TENM2: variants seen among roughly 807,000 people sequenced by gnomAD.
The protein encoded by TENM2 is teneurin-2.
Under a neutral mutation model 245.2 loss-of-function variants are expected in TENM2, and 52 were observed. The ratio of observed to expected loss-of-function variants is 0.21; its 90% CI spans 0.17 to 0.27. TENM2 has a LOEUF of 0.27. Ranked by LOEUF, TENM2 falls within the 10% of genes least tolerant of loss-of-function variation. TENM2 has a pLI of 1.00. For missense variants in TENM2, 3,046 were observed against 3,666.8 expected (o/e 0.83, Z 4.37); for synonymous variants, 1,363 against 1,438.9 (o/e 0.95, Z 1.19).
intron 2 of TENM2, among the ~76,000 whole-genome samples, chr5:167,643,228 C>G (rs1779724798): frequency 6.6e-6 from 1 of 152,166 alleles, no homozygotes; most frequent in African/African-American, 2.4e-5. Context: ...TTTGTCCCCC[C>G]AGTAAGATCC....
At chr5:168,120,288 A>T (rs1363005656) in intron 10 of TENM2, among the ~76,000 whole-genome samples, 1 of 152,204 alleles carries the variant, frequency 6.6e-6, no homozygotes, top group Non-Finnish European at 1.5e-5. Flanking sequence ...TCTGCATCAT[A>T]AAGAATTGGG....
chr5:167,417,239 T>G (rs1469185838), intron 2 of TENM2, among the ~76,000 whole-genome samples: 1 of 152,130 alleles, frequency 6.6e-6, no homozygotes, highest in Non-Finnish European at 1.5e-5. Context: ...TATTTTTGAC[T>G]CTCCTCCTTC....
At chr5:167,544,043 G>C (rs1772390143) in intron 2 of TENM2, among the ~76,000 whole-genome samples, 1 of 152,158 alleles carries the variant, frequency 6.6e-6, no homozygotes, top group African/African-American at 2.4e-5. Context: ...TCTTTTGGGA[G>C]ACACAATTTG....
In TENM2 at chr5:168,057,072, A is replaced by T. The variant is rs147081477; in HGVS notation, c.1310-4988A>T. Among the ~76,000 whole-genome samples the T allele has an allele frequency of 6.4e-4, 98 of 152,242 alleles. 1 individual carries two copies. Among genetic ancestry groups the T allele is most frequent in the Middle Eastern group, 3.4e-3 (1 of 294 alleles). The stretch of plus-strand genomic sequence containing the variant: ...TAGAGAGAAAGAATGTGTGTAAAAA[A>T]ATCTATATATGTACATATATATGAG... On this transcript the variant is annotated intron_variant, in intron 6 of 28. Coordinates refer to ENST00000518659, the Ensembl canonical transcript of TENM2.
chr5:168,004,510 C>CGTGCGCGT (rs1554170170), intron 5 of TENM2, among the ~76,000 whole-genome samples: 3 of 76,634 alleles, frequency 3.9e-5, no homozygotes, highest in African/African-American at 1.8e-4. Flanking sequence ...CACGCATGCG[C>CGTGCGCGT]GCGCGCGCAC....
At chr5:167,058,207 A>G in the TENM2 span, among the ~76,000 whole-genome samples, 3 of 152,122 alleles carry the variant, frequency 2.0e-5, no homozygotes. Context: ...CAGGCCAGAA[A>G]ACAGAAGTTA....
At chr5:167,900,727 G>A (rs1017197137) in intron 3 of TENM2, among the ~76,000 whole-genome samples, 5 of 152,130 alleles carry the variant, frequency 3.3e-5, no homozygotes, top group African/African-American at 7.2e-5. Context: ...AGTTATGACC[G>A]TGGCAGAGAA....
chr5:167,461,364 G>A (rs565779023), intron 2 of TENM2, among the ~76,000 whole-genome samples: 1 of 151,886 alleles, frequency 6.6e-6, no homozygotes, highest in East Asian at 1.9e-4. Context: ...ATTCCTTGTG[G>A]TCCATGTACT....
intron 4 of TENM2, among the ~76,000 whole-genome samples, chr5:167,979,289 T>A (rs573457451): frequency 2.6e-4 from 39 of 152,284 alleles, no homozygotes; most frequent in Middle Eastern, 3.4e-3. Context: ...TTAAAACCAT[T>A]CTATCATATT....
chr5:167,862,171 A>G (rs2151293434), intron 2 of TENM2, among the ~76,000 whole-genome samples: 1 of 152,304 alleles, frequency 6.6e-6, no homozygotes, highest in African/African-American at 2.4e-5. Flanking sequence ...ATTATTTATG[A>G]AAATAGAGAC....
intron 2 of TENM2, among the ~76,000 whole-genome samples, chr5:167,575,899 T>A (rs943774140): frequency 6.6e-6 from 1 of 152,134 alleles, no homozygotes; most frequent in African/African-American, 2.4e-5. Context: ...TTCTACATCG[T>A]TTTTTCCTGC....
chr5:167,794,378 T>C (rs1490615487), intron 2 of TENM2, among the ~76,000 whole-genome samples: 1 of 152,150 alleles, frequency 6.6e-6, no homozygotes, highest in East Asian at 1.9e-4. Context: ...GGCAGAAAGG[T>C]GATAACAGGG....
intron 23 of TENM2, among the ~76,000 whole-genome samples, chr5:168,224,273 C>G (rs1482047364): frequency 1.3e-5 from 2 of 152,160 alleles, no homozygotes; most frequent in African/African-American, 4.8e-5. Flanking sequence ...CTGCGCCACC[C>G]CATGCCTGGG....
At chr5:167,664,918 G>A (rs1755471981) in intron 2 of TENM2, among the ~76,000 whole-genome samples, 1 of 152,136 alleles carries the variant, frequency 6.6e-6, no homozygotes, top group African/African-American at 2.4e-5. Flanking sequence ...ACAACCTTAA[G>A]GCACTGCTTT....
At chr5:167,684,079 C>T (rs1398571560) in intron 2 of TENM2, among the ~76,000 whole-genome samples, 1 of 152,130 alleles carries the variant, frequency 6.6e-6, no homozygotes, top group East Asian at 1.9e-4. Flanking sequence ...CTTCTCCAGT[C>T]GTCATTCAAT....
chr5:168,073,099 A>G (rs1791166687), intron 7 of TENM2, among the ~76,000 whole-genome samples: 1 of 152,154 alleles, frequency 6.6e-6, no homozygotes, highest in Non-Finnish European at 1.5e-5. Context: ...ACAGCTCTTC[A>G]TGGGATGGGA....
intron 4 of TENM2, among the ~76,000 whole-genome samples, chr5:167,955,570 A>G (rs1298879689): frequency 6.6e-6 from 1 of 152,116 alleles, no homozygotes; most frequent in African/African-American, 2.4e-5. Flanking sequence ...GGTATTGCCT[A>G]GGTTTTCTTC....
At chr5:167,218,119 G>T in the TENM2 span, among the ~76,000 whole-genome samples, 2 of 151,988 alleles carry the variant, frequency 1.3e-5, no homozygotes, top group Non-Finnish European at 2.9e-5. Flanking sequence ...ACCTTGTAGA[G>T]TTTTTTTTAA....
the TENM2 span, among the ~76,000 whole-genome samples, chr5:167,051,599 G>A: frequency 6.6e-6 from 1 of 152,096 alleles, no homozygotes; most frequent in Non-Finnish European, 1.5e-5. Flanking sequence ...AGATCTCCAG[G>A]GACTCGGAGG....
Sources: gnomAD v4.1 joint callset for allele counts (sites outside exome capture counted in the v4.1 genomes callset) on GRCh38, gnomAD v4.1.1 for gene constraint, MANE v1.5 for transcripts, NCBI Gene and HGNC (gene_info 2026-07-23, HGNC 2026-07-21) for gene names.